SSH2: variants seen among roughly 807,000 people sequenced by gnomAD.
SSH2 encodes the protein protein phosphatase Slingshot homolog 2.
SSH2 carries 37 observed loss-of-function variants against 135.2 expected under a neutral mutation model. The ratio of observed to expected loss-of-function variants is 0.27; its 90% CI spans 0.21 to 0.36. SSH2 has a LOEUF of 0.36. Among genes scored for constraint, SSH2 ranks in the 10% least tolerant of loss-of-function variants. The pLI, the probability that SSH2 is intolerant of heterozygous loss-of-function variation, is 1.00. For missense variants in SSH2, 1,408 were observed against 1,765.3 expected (o/e 0.80, Z 3.63); for synonymous variants, 628 against 646.2 (o/e 0.97, Z 0.43).
At chr17:29,876,482 C>A (rs2066032959) in intron 1 of SSH2, among the ~76,000 whole-genome samples, 1 of 152,000 alleles carries the variant, frequency 6.6e-6, no homozygotes, top group Non-Finnish European at 1.5e-5. Flanking sequence ...CATATATTTT[C>A]TTCCATTTTG....
chr17:29,848,849 A>G lies in SSH2; in HGVS notation c.144T>C (p.Asn48=), dbSNP rs1264389156. 6 of 1,525,126 alleles carry G rather than the reference A, an allele frequency of 3.9e-6. No homozygotes were observed. The East Asian group carries it at 1.2e-4, about 31-fold the overall frequency. The allele number at this position is 1,525,126 out of a possible 1,614,324, so 94.5% of individuals were successfully genotyped here. A position where few individuals can be genotyped will look rare whatever the true frequency, so the allele number is the denominator to read the frequency against. Residue 48 remains asparagine (N), a splice_region_variant and synonymous_variant, in exon 2 of 16, where the codon AAT becomes AAC. Coordinates refer to ENST00000540801, the MANE Select transcript of SSH2 (RefSeq NM_001282129.2). Reference sequence around the variant, plus strand: ...TGTATAAAAACATATACCTACGTACATTGGAATCAGTAAAGATTTCTGATT... The same window carrying G: ...TGTATAAAAACATATACCTACGTACGTTGGAATCAGTAAAGATTTCTGATT... The part of the protein sequence containing the change: ...CEESEIFTDS[N]EADSGEEECR...
At chr17:29,778,839 A>G in intron 3 of SSH2, among the ~76,000 whole-genome samples, 2 of 48,302 alleles carry the variant, frequency 4.1e-5, no homozygotes, top group South Asian at 9.9e-4. Context: ...GTCTCCCAAA[A>G]AAAAAAAAAA....
intron 1 of SSH2, chr17:29,928,672 G>C (rs1432876642): frequency 2.5e-6 from 1 of 397,178 alleles, no homozygotes; most frequent in East Asian, 3.6e-5. Context: ...TGCAATTAAA[G>C]CTCAGAAAAG....
intron 3 of SSH2, among the ~76,000 whole-genome samples, chr17:29,736,786 CAAAAAAAAA>C (rs1194959594): frequency 2.9e-4 from 3 of 10,204 alleles, no homozygotes; most frequent in African/African-American, 4.6e-4. Flanking sequence ...GACTCTGTCT[CAAAAAAAAA>C]AAAAAAAAAA....
chr17:29,651,820 A>G (rs767020886), intron 12 of SSH2, among the ~76,000 whole-genome samples: 2 of 151,930 alleles, frequency 1.3e-5, no homozygotes, highest in Non-Finnish European at 2.9e-5. Flanking sequence ...AAAGCCCATT[A>G]CTACAAATTT....
chr17:29,917,573 G>A (rs1029552648), intron 1 of SSH2, among the ~76,000 whole-genome samples: 3 of 152,144 alleles, frequency 2.0e-5, no homozygotes, highest in African/African-American at 7.2e-5. Context: ...TAAGGCAGGA[G>A]CAGCAAAATG....
chr17:29,728,268 C>A (rs2040067784), intron 3 of SSH2, among the ~76,000 whole-genome samples: 1 of 152,138 alleles, frequency 6.6e-6, no homozygotes, highest in African/African-American at 2.4e-5. Flanking sequence ...CAACAGCAAA[C>A]AATCTGAAAA....
chr17:29,662,155 A>G (rs1837715186), intron 11 of SSH2, among the ~76,000 whole-genome samples: 1 of 152,206 alleles, frequency 6.6e-6, no homozygotes, highest in Non-Finnish European at 1.5e-5. Context: ...ACTATAATAC[A>G]TTTTAAAGTA....
chr17:29,766,463 A>T (rs1178613800), intron 3 of SSH2, among the ~76,000 whole-genome samples: 1 of 151,974 alleles, frequency 6.6e-6, no homozygotes, highest in African/African-American at 2.4e-5. Flanking sequence ...GTCTCAAAAA[A>T]AAAAATAATA....
At position 29,632,500 on chromosome 17, in the gene SSH2, C is replaced by T. The variant is rs937387196; in HGVS notation, c.2694G>A (p.Leu898=). The change falls in exon 16 of 16, where the codon TTG becomes TTA. Residue 898 remains leucine (L), a synonymous_variant. Coordinates refer to ENST00000540801, the MANE Select transcript of SSH2 (RefSeq NM_001282129.2). ...CCTGCCGTAAGCGCTCTTCGAACTC[C>T]AAGGTGGCTCGCCTCACAGACCCAG... is the stretch of plus-strand genomic sequence containing the variant. ...WYPGSVRRAT[L]EFEERLRQEQ... 1.9e-6 allele frequency: 3 copies of T among 1,614,070 alleles called. No homozygotes were observed. The highest frequency in any genetic ancestry group is 2.7e-5 in the African/African-American group (2 of 74,924).
intron 1 of SSH2, among the ~76,000 whole-genome samples, chr17:29,854,839 C>A (rs190151562): frequency 6.6e-6 from 1 of 151,910 alleles, no homozygotes; most frequent in Admixed American, 6.6e-5. Flanking sequence ...CCCAGCTACT[C>A]GGGAGGCTGA....
At chr17:29,732,847 A>G (rs1432561952) in intron 3 of SSH2, among the ~76,000 whole-genome samples, 4 of 152,206 alleles carry the variant, frequency 2.6e-5, no homozygotes, top group Non-Finnish European at 5.9e-5. Flanking sequence ...TATAATCTCG[A>G]ATACGCACTG....
chr17:29,661,061 C>CAAAAAAAAAAAAAAAA (rs374216221), intron 11 of SSH2, among the ~76,000 whole-genome samples: 14 of 48,356 alleles, frequency 2.9e-4, no homozygotes, highest in African/African-American at 9.4e-4. Flanking sequence ...AATTCCATCT[C>CAAAAAAAAAAAAAAAA]AAAAAAAAAA....
At position 29,649,632 on chromosome 17, in the gene SSH2, C is replaced by T. The variant is rs1405480832; in HGVS notation, c.1226+1022G>A. On this transcript the variant is annotated intron_variant, in intron 13 of 15. Coordinates refer to ENST00000540801, the MANE Select transcript of SSH2 (RefSeq NM_001282129.2). ...AACTCCTGGGCTCGAGTGATCCTCCCGTCTCAGCAAGATCTTTGTTCAAGT... is the reference window on the plus strand; with the variant it reads ...AACTCCTGGGCTCGAGTGATCCTCCTGTCTCAGCAAGATCTTTGTTCAAGT... Among the ~76,000 whole-genome samples, 8 of 152,104 alleles carry T rather than the reference C, an allele frequency of 5.3e-5. No individual in the cohort carries two copies. The East Asian group carries it at 5.8e-4, about 11-fold the overall frequency.
rs758115978 is a variant in SSH2 at position 29,703,020 on chromosome 17, A to G, written c.231T>C (p.Phe77=). The change falls in exon 4 of 16, where the codon TTT becomes TTC. Residue 77 remains phenylalanine (F), a synonymous_variant. Coordinates refer to ENST00000540801, the MANE Select transcript of SSH2 (RefSeq NM_001282129.2). Reference sequence around the variant, plus strand: ...TGGATGAGCCATTTCCCCGTGGTAGAAAAAGGGCAGCACCTTTGACAGTTA... The same window carrying G: ...TGGATGAGCCATTTCCCCGTGGTAGGAAAAGGGCAGCACCTTTGACAGTTA... ...SFLTVKGAAL[F]LPRGNGSSTP... 2 of 1,613,920 alleles carry G rather than the reference A, an allele frequency of 1.2e-6. No individual in the cohort carries two copies. Among genetic ancestry groups the G allele is most frequent in the Non-Finnish European group, 1.7e-6 (2 of 1,179,828 alleles).
At chr17:29,724,604 T>C (rs1294101417) in intron 3 of SSH2, among the ~76,000 whole-genome samples, 45 of 72,168 alleles carry the variant, frequency 6.2e-4, no homozygotes, top group African/African-American at 2.7e-3. Flanking sequence ...TTTTTTTTTT[T>C]CAAAGAGACA....
chr17:29,794,077 C>A, intron 2 of SSH2, 140 bp from the exon 3 acceptor site: 2 of 674,498 alleles, frequency 3.0e-6, no homozygotes, highest in East Asian at 2.9e-5. Flanking sequence ...AAATTCTCTT[C>A]AAAAAAAGTG....
At chr17:29,778,835 C>CAAAAAAAAA (rs60595591) in intron 3 of SSH2, among the ~76,000 whole-genome samples, 1 of 37,846 alleles carries the variant, frequency 2.6e-5, no homozygotes, top group Non-Finnish European at 4.4e-5. Context: ...CTCCGTCTCC[C>CAAAAAAAAA]AAAAAAAAAA....
chr17:29,837,785 C>T lies in SSH2; in HGVS notation c.144+11064G>A, dbSNP rs114794289. ...GCCACTGTGCCACCTGCATCTTGCC[C>T]GCTGCCACTGTGAGGGAAACGCAAA... On this transcript the variant is annotated intron_variant, in intron 2 of 15. Transcript: ENST00000540801. Among the ~76,000 whole-genome samples, 699 of 152,342 alleles carry T rather than the reference C, an allele frequency of 4.6e-3. 8 individuals carry two copies. Among genetic ancestry groups the T allele is most frequent in the African/African-American group, 0.016 (657 of 41,574 alleles).
Sources: gnomAD v4.1 joint callset for allele counts (sites outside exome capture counted in the v4.1 genomes callset) on GRCh38, gnomAD v4.1.1 for gene constraint, MANE v1.5 for transcripts, NCBI Gene and HGNC (gene_info 2026-07-23, HGNC 2026-07-21) for gene names.